Variants in TIMP3 observed in about 807,000 individuals in gnomAD.
The protein encoded by TIMP3 is metalloproteinase inhibitor 3.
Under a neutral mutation model 30.0 loss-of-function variants are expected in TIMP3, and 11 were observed. The ratio of observed to expected loss-of-function variants is 0.37; its 90% CI spans 0.23 to 0.61. The LOEUF is 0.61. Among genes scored for constraint, TIMP3 ranks in the 20% least tolerant of loss-of-function variants. The pLI, the probability that TIMP3 is intolerant of heterozygous loss-of-function variation, is 0.70. For synonymous variants in TIMP3, 112 were observed against 111.3 expected (o/e 1.01, Z -0.04); for missense variants, 181 against 276.8 (o/e 0.65, Z 2.45).
At chr22:32,820,330 C>A (rs940852067) in intron 1 of TIMP3, among the ~76,000 whole-genome samples, 3 of 148,832 alleles carry the variant, frequency 2.0e-5, no homozygotes, top group African/African-American at 7.5e-5. Context: ...GTGTCATCCT[C>A]TGCTCATCCA....
At position 32,861,860 on chromosome 22, in the gene TIMP3, C is replaced by T. The variant is rs1455892418; in HGVS notation, c.*2483C>T. On this transcript the variant is annotated 3_prime_UTR_variant, in exon 5 of 5. Coordinates refer to ENST00000266085, the MANE Select transcript of TIMP3 (RefSeq NM_000362.5). The stretch of plus-strand genomic sequence containing the variant: ...TTCTGTATTTCAATCATATCATGAA[C>T]ATTTTATTTTGCTAAATCTTGTGTC... 1 of 152,586 alleles carries T rather than the reference C, an allele frequency of 6.6e-6. No homozygotes were observed. The highest frequency in any genetic ancestry group is 1.5e-5 in the Non-Finnish European group (1 of 68,036). The allele number at this position is 152,586 out of a possible 1,614,324, so 9.5% of individuals were successfully genotyped here.
At chr22:32,819,572 G>A (rs1295311401) in intron 1 of TIMP3, among the ~76,000 whole-genome samples, 3 of 152,076 alleles carry the variant, frequency 2.0e-5, no homozygotes, top group Non-Finnish European at 4.4e-5. Context: ...CCAGGTGCTG[G>A]GCAGAGTGCT....
intron 1 of TIMP3, among the ~76,000 whole-genome samples, chr22:32,805,242 G>C (rs2046696944): frequency 6.6e-6 from 1 of 152,176 alleles, no homozygotes; most frequent in Non-Finnish European, 1.5e-5. Context: ...CTCAGCTGGG[G>C]GGCCGGCTGC....
intron 4 of TIMP3, 119 bp downstream of exon 4, chr22:32,858,257 C>T (rs1489877177): frequency 1.4e-6 from 2 of 1,443,254 alleles, no homozygotes; most frequent in Non-Finnish European, 1.9e-6. Context: ...ATGTGTTAGG[C>T]CAGGGCAGAG....
chr22:32,810,474 G>A (rs1440057077), intron 1 of TIMP3, among the ~76,000 whole-genome samples: 2 of 146,116 alleles, frequency 1.4e-5, no homozygotes, highest in Non-Finnish European at 3.0e-5. Context: ...GCCTCAGAGA[G>A]CCCAAGGTAA....
chr22:32,859,161 G>GT lies in TIMP3; in HGVS notation c.439-19_439-18insT, dbSNP rs1204803807. ...ACCATGGCAGAGTCCATCAACTGCT[G>GT]CCTGTTATCTAATTGCAGATCAAGT... On this transcript the variant is annotated intron_variant, in intron 4 of 4. Coordinates refer to ENST00000266085, the MANE Select transcript of TIMP3 (RefSeq NM_000362.5). 6.2e-7 allele frequency: 1 copy of GT among 1,614,062 alleles called. No homozygotes were observed. Among genetic ancestry groups the GT allele is most frequent in the Non-Finnish European group, 8.5e-7 (1 of 1,179,926 alleles).
intron 1 of TIMP3, among the ~76,000 whole-genome samples, chr22:32,840,863 T>G (rs146855871): frequency 1.3e-5 from 2 of 152,314 alleles, no homozygotes; most frequent in South Asian, 4.2e-4. Flanking sequence ...TTGAGTGTCA[T>G]TGCTGGTCTC....
chr22:32,808,133 T>G (rs1056726871), intron 1 of TIMP3, among the ~76,000 whole-genome samples: 2 of 152,126 alleles, frequency 1.3e-5, no homozygotes, highest in African/African-American at 4.8e-5. Flanking sequence ...GAAGATAGCT[T>G]TATGTATTTA....
intron 1 of TIMP3, among the ~76,000 whole-genome samples, chr22:32,812,059 G>A (rs1201915856): frequency 6.6e-6 from 1 of 152,212 alleles, no homozygotes; most frequent in Non-Finnish European, 1.5e-5. Flanking sequence ...TTCATCATCT[G>A]ACTCTGGAGT....
At chr22:32,813,486 TACAC>T (rs130277) in intron 1 of TIMP3, among the ~76,000 whole-genome samples, 42,285 of 137,816 alleles carry the variant, frequency 0.31, 6,337 homozygotes, top group Middle Eastern at 0.35. Context: ...TCTGAAAAGA[TACAC>T]ACACACACAC....
chr22:32,858,872 C>A (rs545684782), intron 4 of TIMP3, among the ~76,000 whole-genome samples: 1 of 152,108 alleles, frequency 6.6e-6, no homozygotes, highest in Non-Finnish European at 1.5e-5. Context: ...CCACCTGAGA[C>A]GAAAAAGTCC....
intron 1 of TIMP3, among the ~76,000 whole-genome samples, chr22:32,813,918 C>A (rs1442196324): frequency 6.6e-6 from 1 of 152,102 alleles, no homozygotes; most frequent in Non-Finnish European, 1.5e-5. Flanking sequence ...CATTGCCTGG[C>A]ATGTAGTAAG....
At chr22:32,859,148 T>C (rs199559064) in intron 4 of TIMP3, 32 bp from the exon 5 acceptor site, 12 of 1,609,806 alleles carry the variant, frequency 7.5e-6, no homozygotes, top group Non-Finnish European at 1.0e-5. Context: ...CATGGCAGAG[T>C]CCATCAACTG....
chr22:32,819,232 C>T (rs972670088), intron 1 of TIMP3, among the ~76,000 whole-genome samples: 6 of 152,222 alleles, frequency 3.9e-5, no homozygotes, highest in African/African-American at 1.4e-4. Context: ...GGGTTTCACC[C>T]GCAAGGAGCT....
intron 1 of TIMP3, among the ~76,000 whole-genome samples, chr22:32,831,116 A>C (rs762104340): frequency 7.2e-5 from 11 of 152,128 alleles, no homozygotes; most frequent in Admixed American, 2.0e-4. Flanking sequence ...GCTGAGGTTG[A>C]AGTTGAGATC....
chr22:32,806,934 C>G (rs1304520558), intron 1 of TIMP3, among the ~76,000 whole-genome samples: 1 of 151,976 alleles, frequency 6.6e-6, no homozygotes, highest in Non-Finnish European at 1.5e-5. Context: ...TAGTTTTTCC[C>G]TTAGAAACAT....
chr22:32,858,161 G>A, intron 4 of TIMP3, 23 bp downstream of exon 4: 3 of 1,611,370 alleles, frequency 1.9e-6, no homozygotes, highest in Non-Finnish European at 2.5e-6. Context: ...GTCACTGGGG[G>A]AAGGAGGGGA....
intron 3 of TIMP3, 87 bp downstream of exon 3, chr22:32,857,447 C>A (rs902636161): frequency 1.0e-6 from 1 of 985,746 alleles, no homozygotes; most frequent in African/African-American, 1.6e-5. Context: ...GAGTAGTTGA[C>A]TCACCAAATG....
chr22:32,824,557 G>A (rs1012639664), intron 1 of TIMP3, among the ~76,000 whole-genome samples: 32 of 152,070 alleles, frequency 2.1e-4, no homozygotes, highest in African/African-American at 7.5e-4. Context: ...GTGTATATAT[G>A]TATATATTTT....
Sources: gnomAD v4.1 joint callset for allele counts (sites outside exome capture counted in the v4.1 genomes callset) on GRCh38, gnomAD v4.1.1 for gene constraint, MANE v1.5 for transcripts, NCBI Gene and HGNC (gene_info 2026-07-23, HGNC 2026-07-21) for gene names.